Variants in ST8SIA6 observed in about 807,000 individuals in gnomAD.
ST8SIA6 encodes the protein ST8 alpha-N-acetyl-neuraminide alpha-2,8-sialyltransferase 6.
ST8SIA6 carries 39 observed loss-of-function variants against 33.6 expected under a neutral mutation model. The ratio of observed to expected loss-of-function variants is 1.16; its 90% CI spans 0.90 to 1.52. ST8SIA6 has a LOEUF of 1.52. Ranked by LOEUF, ST8SIA6 falls within the 40% of genes most tolerant of loss-of-function variation. The pLI is 0.00. For synonymous variants in ST8SIA6, 172 were observed against 167.2 expected, an observed-to-expected ratio of 1.03 and a Z score of -0.22; for missense variants, 441 against 443.8, an observed-to-expected ratio of 0.99 and a Z score of 0.06.
intron 2 of ST8SIA6, among the ~76,000 whole-genome samples, chr10:17,427,062 C>T (rs2131716262): frequency 6.6e-6 from 1 of 151,058 alleles, no homozygotes; most frequent in East Asian, 1.9e-4. Context: ...TGAGATCGCA[C>T]CACTGCCCTC....
chr10:17,329,020 G>A (rs1338122166), intron 5 of ST8SIA6, among the ~76,000 whole-genome samples: 1 of 152,294 alleles, frequency 6.6e-6, no homozygotes, highest in African/African-American at 2.4e-5. Flanking sequence ...CAGGGCCGAT[G>A]TGGTTCTGAG....
intron 3 of ST8SIA6, among the ~76,000 whole-genome samples, chr10:17,374,435 A>C (rs11254564): frequency 0.18 from 27,506 of 149,172 alleles, 2,638 homozygotes; most frequent in South Asian, 0.23. Context: ...TTACCTCTGC[A>C]GGGTGTGGTG....
At chr10:17,392,606 G>A (rs1011390272) in intron 2 of ST8SIA6, among the ~76,000 whole-genome samples, 13 of 152,128 alleles carry the variant, frequency 8.5e-5, no homozygotes, top group Non-Finnish European at 1.6e-4. Context: ...AGGATTCAAG[G>A]TTGAAGAGCC....
intron 4 of ST8SIA6, among the ~76,000 whole-genome samples, chr10:17,356,540 G>A (rs760276377): frequency 1.3e-5 from 2 of 151,780 alleles, no homozygotes; most frequent in African/African-American, 2.4e-5. Flanking sequence ...AGTATGCCCC[G>A]TTATGCCCAG....
Position 17,327,076 on chromosome 10 carries a change from A to G in ST8SIA6, c.573T>C (p.Asn191=), listed in dbSNP as rs138769101. ...YPYNQCAVVG[N]GGILNKSLCG... ...AGAGAGACTTATTCAGAATTCCCCC[A>G]TTTCCGACCACTGCACACTGATTAT... The change falls in exon 6 of 8, where the codon AAT becomes AAC. Residue 191 remains asparagine (N), a synonymous_variant. Transcript: ENST00000377602. The G allele has an allele frequency of 4.3e-6, 7 of 1,610,626 alleles. No individual in the cohort carries two copies. In the African/African-American group the frequency reaches 6.7e-5, roughly 15 times the overall value.
chr10:17,328,012 A>T (rs1213598019), intron 5 of ST8SIA6, among the ~76,000 whole-genome samples: 22 of 152,234 alleles, frequency 1.4e-4, no homozygotes, highest in Admixed American at 1.4e-3. Context: ...TACACGGCAT[A>T]ATGTAATAAT....
Position 17,316,841 on chromosome 10 carries a change from GTCTC to G in ST8SIA6, c.*4033_*4036del, listed in dbSNP as rs148228463. On this transcript the variant is annotated 3_prime_UTR_variant, in exon 8 of 8. Coordinates refer to ENST00000377602, the MANE Select transcript of ST8SIA6 (RefSeq NM_001004470.3). ...TTGTTGATTTACAATTCCTTGGAATGTCTCTCTATTAATGTCATTAATTTTATGC... is the reference window on the plus strand; with the variant it reads ...TTGTTGATTTACAATTCCTTGGAATGTCTATTAATGTCATTAATTTTATGC... Among the ~76,000 whole-genome samples, 749 of 152,122 alleles carry G rather than the reference GTCTC, an allele frequency of 4.9e-3. 4 individuals carry two copies. The highest frequency in any genetic ancestry group is 0.017 in the African/African-American group (716 of 41,506).
At chr10:17,420,626 C>G (rs1274420871) in intron 2 of ST8SIA6, among the ~76,000 whole-genome samples, 2 of 152,122 alleles carry the variant, frequency 1.3e-5, no homozygotes, top group Non-Finnish European at 2.9e-5. Flanking sequence ...TGGCATGCCA[C>G]CCAGGCCCTC....
At chr10:17,453,449 G>T (rs1852995119) in intron 2 of ST8SIA6, 110 bp downstream of exon 2, 1 of 805,566 alleles carries the variant, frequency 1.2e-6, no homozygotes, top group Non-Finnish European at 1.7e-6. Flanking sequence ...ACACTCACTC[G>T]CGCCGTCCCA....
intron 2 of ST8SIA6, among the ~76,000 whole-genome samples, chr10:17,392,352 G>A (rs193242577): frequency 2.0e-5 from 3 of 152,042 alleles, no homozygotes; most frequent in Non-Finnish European, 4.4e-5. Flanking sequence ...TGGGTAGTGC[G>A]TTCAAGGCAG....
intron 2 of ST8SIA6, among the ~76,000 whole-genome samples, chr10:17,432,085 A>G (rs1852119797): frequency 6.6e-6 from 1 of 152,208 alleles, no homozygotes; most frequent in Admixed American, 6.5e-5. Flanking sequence ...TAGTCCAGGA[A>G]GAGAACACTG....
At chr10:17,362,562 T>C (rs139124216) in intron 3 of ST8SIA6, among the ~76,000 whole-genome samples, 59 of 152,348 alleles carry the variant, frequency 3.9e-4, no homozygotes, top group African/African-American at 1.3e-3. Flanking sequence ...AACGTTTCTA[T>C]AATAGCCTCT....
intron 4 of ST8SIA6, among the ~76,000 whole-genome samples, chr10:17,353,032 A>G (rs1849084684): frequency 6.6e-6 from 1 of 152,184 alleles, no homozygotes; most frequent in Non-Finnish European, 1.5e-5. Flanking sequence ...TGTAAACAGC[A>G]AACATTTAGA....
intron 2 of ST8SIA6, among the ~76,000 whole-genome samples, chr10:17,452,292 C>A (rs1852940900): frequency 6.6e-6 from 1 of 152,182 alleles, no homozygotes; most frequent in African/African-American, 2.4e-5. Context: ...CCAGCCACTT[C>A]CAGACCCTTC....
intron 6 of ST8SIA6, among the ~76,000 whole-genome samples, chr10:17,323,663 G>A (rs1185839271): frequency 1.3e-5 from 2 of 152,072 alleles, no homozygotes; most frequent in Non-Finnish European, 2.9e-5. Context: ...GGGATTACAG[G>A]TGTGAGCCAC....
At chr10:17,393,342 ATCTC>A (rs1342349713) in intron 2 of ST8SIA6, among the ~76,000 whole-genome samples, 1 of 152,160 alleles carries the variant, frequency 6.6e-6, no homozygotes, top group East Asian at 1.9e-4. Flanking sequence ...ATCTCTTGCT[ATCTC>A]TCTATTGTTT....
intron 3 of ST8SIA6, among the ~76,000 whole-genome samples, chr10:17,384,386 T>C (rs1850263422): frequency 6.6e-6 from 1 of 152,206 alleles, no homozygotes; most frequent in South Asian, 2.1e-4. Context: ...TTTAAAAAAC[T>C]ATGTAAAAAA....
chr10:17,350,486 C>T (rs555818703), intron 4 of ST8SIA6, among the ~76,000 whole-genome samples: 187 of 152,064 alleles, frequency 1.2e-3, no homozygotes, highest in African/African-American at 4.3e-3. Flanking sequence ...TCCAGGAGTT[C>T]GAGACCAGCC....
At chr10:17,382,823 G>A (rs1215253697) in intron 3 of ST8SIA6, among the ~76,000 whole-genome samples, 1 of 152,174 alleles carries the variant, frequency 6.6e-6, no homozygotes, top group East Asian at 1.9e-4. Context: ...GGCCGATTTT[G>A]AAAGTTAAAA....
Sources: allele counts gnomAD v4.1 joint callset (sites outside exome capture counted in the v4.1 genomes callset), GRCh38; gene constraint gnomAD v4.1.1; transcripts MANE v1.5; gene names NCBI Gene and HGNC (gene_info 2026-07-23, HGNC 2026-07-21).